ARK2C: variants seen among roughly 807,000 people sequenced by gnomAD.
ARK2C encodes arkadia (RNF111) C-terminal like ring finger ubiquitin ligase 2C.
the ARK2C span, chr18:46,336,532 T>C: frequency 1.0e-6 from 1 of 985,470 alleles, no homozygotes; most frequent in African/African-American, 1.7e-5. Context: ...GACCTTCCGA[T>C]AGAGGATACT....
chr18:46,378,286 T>G, the ARK2C span, among the ~76,000 whole-genome samples: 1 of 152,244 alleles, frequency 6.6e-6, no homozygotes, highest in African/African-American at 2.4e-5. Context: ...CACCGTAGTT[T>G]CTCCCTTTGC....
At chr18:46,373,869 C>G in the ARK2C span, among the ~76,000 whole-genome samples, 1 of 152,176 alleles carries the variant, frequency 6.6e-6, no homozygotes, top group Non-Finnish European at 1.5e-5. Context: ...CCCTCCCACC[C>G]CCGGTCCCAG....
chr18:46,335,209 G>C, the ARK2C span: 1 of 152,242 alleles, frequency 6.6e-6, no homozygotes, highest in African/African-American at 2.4e-5. Context: ...GAGGTGGGAA[G>C]CTGCCCCCAC....
At chr18:46,350,496 G>A in the ARK2C span, among the ~76,000 whole-genome samples, 1 of 152,306 alleles carries the variant, frequency 6.6e-6, no homozygotes, top group East Asian at 1.9e-4. Flanking sequence ...GTCACACGAG[G>A]GGTGTCAAGA....
chr18:46,447,705 A>C, the ARK2C span: 71 of 1,614,128 alleles, frequency 4.4e-5, no homozygotes, highest in Admixed American at 5.3e-4. Context: ...AAGTGAAAGA[A>C]GACGGACTCC....
the ARK2C span, among the ~76,000 whole-genome samples, chr18:46,433,676 C>T: frequency 6.6e-6 from 1 of 152,208 alleles, no homozygotes; most frequent in Non-Finnish European, 1.5e-5. Flanking sequence ...CCGGCAGTCA[C>T]CAAGTGGGTC....
chr18:46,383,364 G>C, the ARK2C span, among the ~76,000 whole-genome samples: 4 of 152,136 alleles, frequency 2.6e-5, no homozygotes, highest in Admixed American at 1.3e-4. Flanking sequence ...CACCTGGTTC[G>C]AAAGGGGATG....
At chr18:46,379,027 C>T in the ARK2C span, among the ~76,000 whole-genome samples, 3 of 152,152 alleles carry the variant, frequency 2.0e-5, no homozygotes, top group African/African-American at 2.4e-5. Flanking sequence ...AGGGAAGGAG[C>T]GGGGCACCAG....
chr18:46,410,690 C>A, the ARK2C span, among the ~76,000 whole-genome samples: 5 of 152,290 alleles, frequency 3.3e-5, no homozygotes, highest in South Asian at 8.3e-4. Context: ...CCCTGACAAA[C>A]AAACAAGTGG....
the ARK2C span, among the ~76,000 whole-genome samples, chr18:46,414,243 G>C: frequency 6.6e-6 from 1 of 152,202 alleles, no homozygotes; most frequent in East Asian, 1.9e-4. Context: ...CTGACTCTCT[G>C]GGCAGATGTG....
the ARK2C span, among the ~76,000 whole-genome samples, chr18:46,419,885 C>T: frequency 1.3e-5 from 2 of 152,176 alleles, no homozygotes; most frequent in East Asian, 3.9e-4. Context: ...CCCTGCTCTC[C>T]TCTAACCTTC....
chr18:46,354,143 C>T, the ARK2C span, among the ~76,000 whole-genome samples: 1 of 152,204 alleles, frequency 6.6e-6, no homozygotes, highest in Non-Finnish European at 1.5e-5. Context: ...TTCATTTCTT[C>T]CCACACTGCA....
chr18:46,338,042 A>G, the ARK2C span, among the ~76,000 whole-genome samples: 1 of 152,332 alleles, frequency 6.6e-6, no homozygotes, highest in East Asian at 1.9e-4. Context: ...AGAAGGGGAT[A>G]TAACACTTAG....
the ARK2C span, among the ~76,000 whole-genome samples, chr18:46,339,683 G>T: frequency 0.019 from 2,958 of 152,304 alleles, 103 homozygotes; most frequent in African/African-American, 0.067. Flanking sequence ...CTGAACAAGA[G>T]AACTTCTCTC....
At chr18:46,416,000 G>T in the ARK2C span, among the ~76,000 whole-genome samples, 1 of 152,188 alleles carries the variant, frequency 6.6e-6, no homozygotes, top group South Asian at 2.1e-4. Flanking sequence ...GCCACTCAGG[G>T]CTGGGGTTTG....
the ARK2C span, among the ~76,000 whole-genome samples, chr18:46,348,898 TTCTGTGTGTG>T: frequency 0.017 from 2,098 of 123,234 alleles, 59 homozygotes; most frequent in East Asian, 0.078. Flanking sequence ...CTCTCTCTCT[TTCTGTGTGTG>T]TGTGTGTGTG....
At chr18:46,459,921 G>A in the ARK2C span, 2 of 152,736 alleles carry the variant, frequency 1.3e-5, no homozygotes, top group African/African-American at 4.8e-5. Context: ...GGTTTAAGTT[G>A]GGCGTCCTAG....
chr18:46,396,150 C>T, the ARK2C span, among the ~76,000 whole-genome samples: 1 of 152,222 alleles, frequency 6.6e-6, no homozygotes, highest in African/African-American at 2.4e-5. Flanking sequence ...AGAACAGTCA[C>T]TTCCACCTTC....
chr18:46,357,881 T>A, the ARK2C span, among the ~76,000 whole-genome samples: 1 of 152,186 alleles, frequency 6.6e-6, no homozygotes, highest in African/African-American at 2.4e-5. Context: ...CCAGGGAAGA[T>A]TCCTTCCTCA....
Sources: allele counts gnomAD v4.1 joint callset (sites outside exome capture counted in the v4.1 genomes callset), GRCh38; gene constraint gnomAD v4.1.1; transcripts MANE v1.5; gene names NCBI Gene and HGNC (gene_info 2026-07-23, HGNC 2026-07-21).